Variants in SPTBN4 observed in about 807,000 individuals in gnomAD.
SPTBN4 encodes the protein spectrin beta, non-erythrocytic 4, also known as spectrin beta chain, non-erythrocytic 4.
Under a neutral mutation model 277.8 loss-of-function variants are expected in SPTBN4, and 96 were observed. The ratio of observed to expected loss-of-function variants is 0.35; its 90% CI spans 0.29 to 0.41. The LOEUF (loss-of-function observed/expected upper bound fraction) is 0.41, where lower values mean the gene tolerates loss of function less well. SPTBN4 is among the 10% of genes least tolerant of loss of function. The pLI, the probability that SPTBN4 is intolerant of heterozygous loss-of-function variation, is 1.00. For missense variants in SPTBN4, 3,006 were observed against 3,595.7 expected (o/e 0.84, Z 4.19); for synonymous variants, 1,481 against 1,580.3 (o/e 0.94, Z 1.49).
intron 2 of SPTBN4, among the ~76,000 whole-genome samples, chr19:40,473,507 GC>G (rs992834822): frequency 1.2e-3 from 176 of 152,010 alleles, no homozygotes; most frequent in African/African-American, 4.1e-3. Context: ...ACAGGCATGT[GC>G]CACCACGCCC....
intron 33 of SPTBN4, among the ~76,000 whole-genome samples, chr19:40,571,271 G>A (rs1222931324): frequency 6.6e-6 from 1 of 152,156 alleles, no homozygotes; most frequent in Non-Finnish European, 1.5e-5. Flanking sequence ...GGGAGGGTCC[G>A]AAAACGGGCA....
At chr19:40,553,283 C>T (rs748383671) in intron 22 of SPTBN4, among the ~76,000 whole-genome samples, 12 of 152,046 alleles carry the variant, frequency 7.9e-5, no homozygotes, top group Non-Finnish European at 7.4e-5. Context: ...ACTTCAAGAC[C>T]AGCCTGAGTA....
At chr19:40,508,357 C>A (rs758037501) in intron 13 of SPTBN4, among the ~76,000 whole-genome samples, 1 of 152,198 alleles carries the variant, frequency 6.6e-6, no homozygotes, top group Non-Finnish European at 1.5e-5. Context: ...GCTCTTTACA[C>A]CCACCATGGG....
Position 40,519,517 on chromosome 19 carries a change from G to T in SPTBN4, c.3020G>T (p.Arg1007Leu), listed in dbSNP as rs770019351. ...AEVRAQVREK[R>L]RAVESAPRAG... ...GTGCGCGCCCAGGTGCGTGAGAAGC[G>T]GAGAGCTGTGGAGAGCGCGCCCCGG... Residue 1007 changes from arginine (R) to leucine (L), a missense_variant, in exon 16 of 36, where the codon CGG becomes CTG. Arg to Leu is a moderately radical substitution (Grantham distance 102). Around this residue, in one of 5 missense-constraint regions of SPTBN4, gnomAD observed 1,759 missense variants for 2,061.5 expected, o/e 0.85. Coordinates refer to ENST00000598249, the MANE Select transcript of SPTBN4 (RefSeq NM_020971.3). The surrounding 1 kb of genome is among the most constrained non-coding windows in gnomAD (Gnocchi z 5.7). 1 of 1,599,330 alleles carries T rather than the reference G, an allele frequency of 6.3e-7. No homozygotes were observed. The highest frequency in any genetic ancestry group is 1.1e-5 in the South Asian group (1 of 89,418).
chr19:40,477,769 G>A (rs1364764991), intron 2 of SPTBN4, among the ~76,000 whole-genome samples: 1 of 152,214 alleles, frequency 6.6e-6, no homozygotes, highest in Non-Finnish European at 1.5e-5. Flanking sequence ...GCCTCCAGAA[G>A]CTGGGAGTGG....
At chr19:40,533,326 C>T (rs2080699288) in intron 19 of SPTBN4, among the ~76,000 whole-genome samples, 2 of 152,154 alleles carry the variant, frequency 1.3e-5, no homozygotes, top group Non-Finnish European at 1.5e-5. Flanking sequence ...AGGCCACGCA[C>T]CTAAGAGCTG....
Position 40,467,624 on chromosome 19 carries a change from G to GC in SPTBN4, c.-16+319_-16+320insC, listed in dbSNP as rs1491510080. Among the ~76,000 whole-genome samples, 4 of 48,644 alleles carry GC rather than the reference G, an allele frequency of 8.2e-5. 1 individual carries two copies. The highest frequency in any genetic ancestry group is 4.3e-4 in the African/African-American group (4 of 9,288). 31.9% of individuals were successfully genotyped at this position (48,644 alleles called of 152,430 possible). A position where few individuals can be genotyped will look rare whatever the true frequency, so the allele number is the denominator to read the frequency against. On this transcript the variant is annotated intron_variant, in intron 1 of 35. Coordinates refer to ENST00000598249, the MANE Select transcript of SPTBN4 (RefSeq NM_020971.3). ...AGCCCAGCGCCCCACCAGCCTTTGC[G>GC]GGGGGGGGGGGGTGTTGGGGGGAGG...
chr19:40,523,699 G>C, intron 17 of SPTBN4, 60 bp downstream of exon 17: 1 of 1,502,776 alleles, frequency 6.7e-7, no homozygotes, highest in Non-Finnish European at 9.0e-7. Flanking sequence ...CCAGCATAGG[G>C]GAGTGGTGTG....
intron 6 of SPTBN4, 97 bp downstream of exon 6, chr19:40,495,074 A>G: frequency 2.7e-6 from 3 of 1,117,232 alleles, no homozygotes; most frequent in Non-Finnish European, 4.0e-6. Flanking sequence ...TGGCACACAC[A>G]GACATAAAGA....
At chr19:40,570,231 C>G (rs1173289682) in intron 32 of SPTBN4, among the ~76,000 whole-genome samples, 2 of 151,998 alleles carry the variant, frequency 1.3e-5, no homozygotes, top group Non-Finnish European at 2.9e-5. Context: ...GAGAGAGATT[C>G]CAAACCAATG....
intron 35 of SPTBN4, among the ~76,000 whole-genome samples, chr19:40,573,141 C>G (rs1262542556): frequency 6.6e-6 from 1 of 152,024 alleles, no homozygotes; most frequent in Non-Finnish European, 1.5e-5. Flanking sequence ...GATCCCATCT[C>G]TATGGGTAAT....
At chr19:40,504,990 C>G (rs765732370) in intron 12 of SPTBN4, among the ~76,000 whole-genome samples, 3 of 151,766 alleles carry the variant, frequency 2.0e-5, no homozygotes, top group Admixed American at 2.0e-4. Flanking sequence ...ACAAAGGTGA[C>G]ATGGAAATCT....
intron 20 of SPTBN4, among the ~76,000 whole-genome samples, chr19:40,537,275 G>A (rs777890263): frequency 1.3e-5 from 2 of 152,144 alleles, no homozygotes; most frequent in Non-Finnish European, 2.9e-5. Context: ...CTCCCAAAGT[G>A]CTGGGATTAC....
In SPTBN4 at chr19:40,502,906, G is replaced by A; in HGVS notation, c.1335G>A (p.Leu445=). The change falls in exon 11 of 36, where the codon CTG becomes CTA. Residue 445 remains leucine, a synonymous_variant. Transcript: ENST00000598249. This position sits in a 1 kb window ranked among gnomAD's most constrained non-coding sequence, Gnocchi z 4.9. ...DHKVAMRESW[L]NENQRLVSQD... ...AGGTGGCTATGAGGGAGAGCTGGCT[G>A]AATGAGAACCAGCGTCTGGTCTCCC... The A allele has an allele frequency of 6.2e-7, 1 of 1,613,836 alleles. No individual in the cohort carries two copies. The highest frequency in any genetic ancestry group is 8.5e-7 in the Non-Finnish European group (1 of 1,180,012).
Position 40,557,300 on chromosome 19 carries a change from G to A in SPTBN4, c.5567G>A (p.Arg1856Gln), listed in dbSNP as rs759062615. The change falls in exon 26 of 36, where the codon CGG becomes CAG. Residue 1856 changes from arginine (R) to glutamine (Q), a missense_variant. Coordinates refer to ENST00000598249, the MANE Select transcript of SPTBN4 (RefSeq NM_020971.3). ...GGACAGATTGAGGAGAAGCGGAGGC[G>A]GCTGCCCCGCCTGACCACCCCGCCT... ...LQGQIEEKRR[R>Q]LPRLTTPPEP... 41 of 1,613,162 alleles carry A rather than the reference G, an allele frequency of 2.5e-5. No homozygotes were observed. The highest frequency in any genetic ancestry group is 2.8e-5 in the Non-Finnish European group (33 of 1,179,828).
chr19:40,530,170 G>A (rs927289403), intron 18 of SPTBN4, among the ~76,000 whole-genome samples: 4 of 152,030 alleles, frequency 2.6e-5, no homozygotes, highest in African/African-American at 9.7e-5. Context: ...CATTAGAGAT[G>A]GTTCAGGAGG....
intron 11 of SPTBN4, among the ~76,000 whole-genome samples, chr19:40,503,531 G>A (rs538298534): frequency 6.6e-6 from 1 of 150,884 alleles, no homozygotes; most frequent in South Asian, 2.1e-4. Flanking sequence ...GGAGGGTGGA[G>A]CTGGTCTCCA....
rs1439849461 is a variant in SPTBN4, at chr19:40,534,237, G to A, written c.4253G>A (p.Ser1418Asn). 1.2e-6 allele frequency: 2 copies of A among 1,614,156 alleles called. No individual in the cohort carries two copies. The highest frequency in any genetic ancestry group is 2.2e-5 in the East Asian group (1 of 44,884). Residue 1418 changes from serine to asparagine, a missense_variant, in exon 20 of 36, where the codon AGC (serine) becomes AAC (asparagine). Physicochemically the swap from Ser to Asn is conservative, Grantham distance 46. Coordinates refer to ENST00000598249, the MANE Select transcript of SPTBN4 (RefSeq NM_020971.3). ...EASKADQLVQSFAELDKKLLH... is the reference protein window; with the variant it reads ...EASKADQLVQNFAELDKKLLH... ...AGCAAAGCAGACCAGCTGGTGCAGA[G>A]CTTTGCTGAGCTGGACAAGAAGCTC...
In SPTBN4 at chr19:40,503,841, G is replaced by A; in HGVS notation, c.1374G>A (p.Gly458=). 1.3e-6 allele frequency: 2 copies of A among 1,587,130 alleles called. No individual in the cohort carries two copies. Among genetic ancestry groups the A allele is most frequent in the Middle Eastern group, 1.7e-4 (1 of 5,936 alleles). ...NQRLVSQDNF[G]YELPAVEAAM... is the part of the protein sequence containing the mutation. The stretch of plus-strand genomic sequence containing the variant: ...GCTCACTGCCCCAGGACAACTTTGG[G>A]TATGAGCTGCCCGCAGTGGAGGCAG... Residue 458 remains glycine (G), a synonymous_variant, in exon 12 of 36, where the codon GGG becomes GGA. Coordinates refer to ENST00000598249, the MANE Select transcript of SPTBN4 (RefSeq NM_020971.3).
Sources: allele counts gnomAD v4.1 joint callset (sites outside exome capture counted in the v4.1 genomes callset), GRCh38; gene constraint gnomAD v4.1.1; regional missense constraint gnomAD v4.1.1; non-coding constraint Gnocchi (gnomAD v3.1); transcripts MANE v1.5; gene names NCBI Gene and HGNC (gene_info 2026-07-23, HGNC 2026-07-21).